Variants in CDH17 observed in about 807,000 individuals in gnomAD.
The protein encoded by CDH17 is cadherin 17.
A neutral mutation model predicts 86.3 loss-of-function variants in CDH17; 67 were observed. That is an observed-to-expected ratio of 0.78 (90% confidence interval 0.64 to 0.95). The LOEUF is 0.95. Ranked by LOEUF, CDH17 falls within the 40% of genes least tolerant of loss-of-function variation. CDH17 has a pLI of 0.00. For missense variants in CDH17, 993 were observed against 1,017.6 expected (o/e 0.98, Z 0.33); for synonymous variants, 367 against 366.4 (o/e 1.00, Z -0.02).
At chr8:94,193,875 A>G (rs531029427) in intron 2 of CDH17, among the ~76,000 whole-genome samples, 1 of 151,976 alleles carries the variant, frequency 6.6e-6, no homozygotes, top group African/African-American at 2.4e-5. Context: ...TTGATGTATT[A>G]TTTATGGATC....
At chr8:94,164,297 C>A (rs985295106) in intron 10 of CDH17, among the ~76,000 whole-genome samples, 2 of 152,166 alleles carry the variant, frequency 1.3e-5, no homozygotes, top group Non-Finnish European at 1.5e-5. Flanking sequence ...CATGGGCTAC[C>A]TTGGGCAGTT....
At chr8:94,205,798 T>C (rs1814015719) in intron 1 of CDH17, among the ~76,000 whole-genome samples, 1 of 152,028 alleles carries the variant, frequency 6.6e-6, no homozygotes, top group African/African-American at 2.4e-5. Flanking sequence ...AACACAATCA[T>C]ATAATGTGGG....
chr8:94,215,825 G>A (rs146564803), intron 1 of CDH17, among the ~76,000 whole-genome samples: 1 of 149,736 alleles, frequency 6.7e-6, no homozygotes, highest in Non-Finnish European at 1.5e-5. Context: ...AATGTCTTAC[G>A]GTTTCCAAAA....
intron 1 of CDH17, chr8:94,203,081 C>T (rs898599985): frequency 4.4e-5 from 8 of 181,702 alleles, no homozygotes; most frequent in East Asian, 1.7e-4. Flanking sequence ...GATGTTTAGA[C>T]GCTCTTGTCA....
chr8:94,155,075 A>C (rs1812921120), intron 12 of CDH17, among the ~76,000 whole-genome samples: 1 of 152,130 alleles, frequency 6.6e-6, no homozygotes, highest in South Asian at 2.1e-4. Flanking sequence ...GAGAAAGAAG[A>C]ATCAATTGAA....
At chr8:94,135,833 T>C (rs1286467100) in intron 15 of CDH17, among the ~76,000 whole-genome samples, 1 of 152,206 alleles carries the variant, frequency 6.6e-6, no homozygotes, top group Non-Finnish European at 1.5e-5. Context: ...TCAAGAGCTC[T>C]TGTAAGGCAG....
chr8:94,212,419 G>A (rs1196734503), upstream of CDH17, among the ~76,000 whole-genome samples: 2 of 152,086 alleles, frequency 1.3e-5, no homozygotes, highest in Non-Finnish European at 2.9e-5. Flanking sequence ...GGGAATACAA[G>A]TGTAAGGCAC....
At chr8:94,151,042 T>C (rs537640133) in intron 13 of CDH17, among the ~76,000 whole-genome samples, 1 of 152,332 alleles carries the variant, frequency 6.6e-6, no homozygotes, top group Admixed American at 6.5e-5. Flanking sequence ...TCCCTCCAGA[T>C]GTTTAGAGAA....
chr8:94,188,413 T>C (rs893223783), intron 3 of CDH17, among the ~76,000 whole-genome samples: 1 of 152,156 alleles, frequency 6.6e-6, no homozygotes, highest in African/African-American at 2.4e-5. Flanking sequence ...CCTTAGAAGG[T>C]AGGTAGCTCA....
chr8:94,181,746 AAAG>A (rs1291541476), intron 3 of CDH17, among the ~76,000 whole-genome samples: 2 of 151,834 alleles, frequency 1.3e-5, no homozygotes, highest in Non-Finnish European at 2.9e-5. Context: ...AAAACAAGAA[AAAG>A]AAGAATAGCA....
At position 94,170,806 on chromosome 8, in the gene CDH17, G is replaced by A. The variant is rs774311058; in HGVS notation, c.915+48C>T. 3 of 1,596,132 alleles carry A rather than the reference G, an allele frequency of 1.9e-6. No individual in the cohort carries two copies. The African/African-American group carries it at 4.1e-5, about 22-fold the overall frequency. ...CCATTTTGCTCTCAACTGTAGATGG[G>A]CATAGGACTTTGTCTTGTCGCCTGT... On this transcript the variant is annotated intron_variant, in intron 8 of 17. Coordinates refer to ENST00000027335, the MANE Select transcript of CDH17 (RefSeq NM_004063.4).
At chr8:94,136,181 C>G (rs1184449704) in intron 15 of CDH17, among the ~76,000 whole-genome samples, 3 of 152,056 alleles carry the variant, frequency 2.0e-5, no homozygotes, top group African/African-American at 7.2e-5. Flanking sequence ...TCTGTATTTC[C>G]TGAATTTGAA....
intron 11 of CDH17, among the ~76,000 whole-genome samples, chr8:94,160,857 G>T (rs933167035): frequency 1.3e-5 from 2 of 152,234 alleles, no homozygotes; most frequent in African/African-American, 4.8e-5. Flanking sequence ...AAGGCTTGGA[G>T]AAGTAAAACC....
intron 15 of CDH17, among the ~76,000 whole-genome samples, chr8:94,145,312 T>C (rs1003902415): frequency 6.6e-6 from 1 of 152,226 alleles, no homozygotes; most frequent in South Asian, 2.1e-4. Flanking sequence ...AATGAAGTAC[T>C]GATGCATGTA....
intron 15 of CDH17, among the ~76,000 whole-genome samples, chr8:94,136,415 T>C (rs1812526774): frequency 6.6e-6 from 1 of 152,196 alleles, no homozygotes. Flanking sequence ...ATACACTTTC[T>C]TCCACTTGAT....
At chr8:94,186,858 C>T (rs1015348536) in intron 3 of CDH17, among the ~76,000 whole-genome samples, 5 of 152,226 alleles carry the variant, frequency 3.3e-5, no homozygotes, top group African/African-American at 1.2e-4. Context: ...GGACGAAGGG[C>T]TAGTCCAGCC....
In CDH17 at chr8:94,147,980, A is replaced by C. The variant is rs1342267101; in HGVS notation, c.1927+764T>G. On this transcript the variant is annotated intron_variant, in intron 14 of 17. Transcript: ENST00000027335. ...TCCCCGGGGATTCTCACACACATCA[A>C]AGTAGAGAACATTTCATAAAACATT... 2.6e-5 allele frequency among the ~76,000 whole-genome samples: 4 copies of C among 152,220 alleles called. No homozygotes were observed. The East Asian group carries it at 7.7e-4, about 29-fold the overall frequency.
upstream of CDH17, among the ~76,000 whole-genome samples, chr8:94,210,226 T>TAAAA (rs71567010): frequency 0.1 from 5,479 of 53,432 alleles, 896 homozygotes; most frequent in Non-Finnish European, 0.11. Flanking sequence ...TTTATGCGAG[T>TAAAA]AAAAAAAAAA....
At chr8:94,142,243 G>A (rs1472608500) in intron 15 of CDH17, among the ~76,000 whole-genome samples, 1 of 152,174 alleles carries the variant, frequency 6.6e-6, no homozygotes, top group East Asian at 1.9e-4. Flanking sequence ...AAATAGCTCA[G>A]TGAAGCAAGT....
Sources: gnomAD v4.1 joint callset for allele counts (sites outside exome capture counted in the v4.1 genomes callset) on GRCh38, gnomAD v4.1.1 for gene constraint, MANE v1.5 for transcripts, NCBI Gene and HGNC (gene_info 2026-07-23, HGNC 2026-07-21) for gene names.